Variants in CREB5 observed in about 807,000 individuals in gnomAD.
The protein encoded by CREB5 is cyclic AMP-responsive element-binding protein 5.
In CREB5, 19 loss-of-function variants were observed where a neutral mutation model predicts 57.1. The observed-to-expected ratio is 0.33, with a 90% CI of 0.23 to 0.49. The LOEUF is 0.49. CREB5 is among the 20% of genes least tolerant of loss of function. CREB5 has a pLI of 0.99. For missense variants in CREB5, 579 were observed against 671.6 expected (o/e 0.86, Z 1.52); for synonymous variants, 238 against 238.3 (o/e 1.00, Z 0.01).
At chr7:28,310,199 G>A (rs980601818) in intron 1 of CREB5, among the ~76,000 whole-genome samples, 7 of 152,242 alleles carry the variant, frequency 4.6e-5, no homozygotes, top group African/African-American at 1.7e-4. Flanking sequence ...AGGGAGTAGT[G>A]GGGGGTGAGG....
intron 1 of CREB5, among the ~76,000 whole-genome samples, chr7:28,473,191 G>A (rs1790901262): frequency 6.6e-6 from 1 of 152,094 alleles, no homozygotes; most frequent in African/African-American, 2.4e-5. Flanking sequence ...GTGCAGTGGT[G>A]CATACCTATG....
intron 5 of CREB5, among the ~76,000 whole-genome samples, chr7:28,653,661 T>C (rs1416526314): frequency 6.6e-6 from 1 of 152,210 alleles, no homozygotes; most frequent in Non-Finnish European, 1.5e-5. Context: ...CAGTAAAAAT[T>C]AAAGTCCAAA....
chr7:28,696,912 CAT>C (rs1009503665), intron 5 of CREB5, among the ~76,000 whole-genome samples: 25 of 151,474 alleles, frequency 1.7e-4, no homozygotes, highest in East Asian at 5.8e-4. Context: ...TACATACACA[CAT>C]ATATGTGTAT....
In CREB5 at chr7:28,651,090, AT is replaced by A. The variant is rs956283536; in HGVS notation, c.465-67653del. Among the ~76,000 whole-genome samples the A allele has an allele frequency of 5.2e-3, 781 of 150,136 alleles. 12 individuals are homozygous for A. Among genetic ancestry groups the A allele is most frequent in the African/African-American group, 0.018 (739 of 41,028 alleles). ...TAGAGGACAGGATTTTGTTTTTACT[AT>A]TTTTTTTTTCAATTAATAGGAAAAG... On this transcript the variant is annotated intron_variant, in intron 5 of 10. Transcript: ENST00000357727.
intron 9 of CREB5, among the ~76,000 whole-genome samples, chr7:28,813,955 T>C (rs1020034271): frequency 6.6e-6 from 1 of 152,192 alleles, no homozygotes; most frequent in African/African-American, 2.4e-5. Context: ...TACAAAATAC[T>C]TTTATATTAA....
At chr7:28,534,116 T>C (rs192890244) in intron 4 of CREB5, among the ~76,000 whole-genome samples, 2 of 152,310 alleles carry the variant, frequency 1.3e-5, no homozygotes, top group African/African-American at 4.8e-5. Context: ...GGAATAGGAA[T>C]TTCCAGAAGA....
chr7:28,651,550 T>C (rs892051653), intron 5 of CREB5, among the ~76,000 whole-genome samples: 4 of 152,176 alleles, frequency 2.6e-5, no homozygotes, highest in African/African-American at 9.7e-5. Context: ...GAGACCAGCC[T>C]GGGCAACAAA....
chr7:28,385,407 T>A (rs2127996768), intron 1 of CREB5, among the ~76,000 whole-genome samples: 1 of 152,312 alleles, frequency 6.6e-6, no homozygotes, highest in South Asian at 2.1e-4. Flanking sequence ...CCAGGCGTGG[T>A]GGCTCATGCT....
intron 4 of CREB5, 141 bp downstream of exon 4, chr7:28,507,878 T>A (rs1035770340): frequency 1.9e-5 from 20 of 1,060,232 alleles, no homozygotes; most frequent in Middle Eastern, 3.4e-4. Flanking sequence ...TAATTTTTTT[T>A]AAAAGATTAC....
intron 1 of CREB5, among the ~76,000 whole-genome samples, chr7:28,386,117 G>T (rs1787097542): frequency 2.0e-5 from 3 of 151,952 alleles, no homozygotes; most frequent in South Asian, 2.1e-4. Context: ...TGTTTCTTTG[G>T]ATTCACCTAC....
At chr7:28,412,417 C>T (rs1337597303), upstream of CREB5, 1 of 152,442 alleles carries the variant, frequency 6.6e-6, no homozygotes, top group Non-Finnish European at 1.5e-5. Flanking sequence ...CCCCTTCTAG[C>T]ATGGAGATTG....
chr7:28,619,063 A>G (rs571699194), intron 5 of CREB5, among the ~76,000 whole-genome samples: 211 of 152,368 alleles, frequency 1.4e-3, no homozygotes, highest in Middle Eastern at 6.8e-3. Flanking sequence ...AGCCACTCTC[A>G]TTGGGCACAT....
At chr7:28,347,966 A>G (rs1179964537) in intron 1 of CREB5, among the ~76,000 whole-genome samples, 1 of 152,154 alleles carries the variant, frequency 6.6e-6, no homozygotes, top group Non-Finnish European at 1.5e-5. Flanking sequence ...CAAACAAGCC[A>G]CCTGGTTTGA....
At chr7:28,638,118 T>A (rs1798496188) in intron 5 of CREB5, among the ~76,000 whole-genome samples, 1 of 152,156 alleles carries the variant, frequency 6.6e-6, no homozygotes, top group South Asian at 2.1e-4. Context: ...TTTATCAAAT[T>A]TTGGGGCTTG....
At chr7:28,472,941 T>C (rs1159913552) in intron 1 of CREB5, among the ~76,000 whole-genome samples, 1 of 152,160 alleles carries the variant, frequency 6.6e-6, no homozygotes, top group Non-Finnish European at 1.5e-5. Flanking sequence ...CATGCCAAGC[T>C]CTTTGCTTTT....
At chr7:28,317,614 T>TG (rs1171408554) in intron 1 of CREB5, among the ~76,000 whole-genome samples, 2 of 152,262 alleles carry the variant, frequency 1.3e-5, no homozygotes, top group Non-Finnish European at 2.9e-5. Context: ...TTATGTAATT[T>TG]GGGGCATATT....
chr7:28,413,643 C>T (rs1012006154), intron 1 of CREB5, among the ~76,000 whole-genome samples: 1 of 152,114 alleles, frequency 6.6e-6, no homozygotes, highest in Non-Finnish European at 1.5e-5. Context: ...AGCGGTCAGT[C>T]GTGACCTTAT....
At chr7:28,792,970 G>T (rs1042816396) in intron 7 of CREB5, among the ~76,000 whole-genome samples, 2 of 152,192 alleles carry the variant, frequency 1.3e-5, no homozygotes, top group Non-Finnish European at 2.9e-5. Context: ...CAGGATGGTA[G>T]AACTGTCACA....
chr7:28,808,799 G>A (rs1422752500), intron 8 of CREB5, among the ~76,000 whole-genome samples: 2 of 125,900 alleles, frequency 1.6e-5, no homozygotes, highest in Non-Finnish European at 3.1e-5. Context: ...GGCCTCAAGT[G>A]ATCCTCCCGC....
Sources: allele counts gnomAD v4.1 joint callset (sites outside exome capture counted in the v4.1 genomes callset), GRCh38; gene constraint gnomAD v4.1.1; transcripts MANE v1.5; gene names NCBI Gene and HGNC (gene_info 2026-07-23, HGNC 2026-07-21).